The following ANKDD1B variants were observed in gnomAD, a reference collection of about 807,000 sequenced individuals.
ANKDD1B encodes ankyrin repeat and death domain-containing protein 1B.
ANKDD1B carries 57 observed loss-of-function variants against 59.7 expected under a neutral mutation model. The ratio of observed to expected loss-of-function variants is 0.95; its 90% CI spans 0.77 to 1.19. The LOEUF is 1.19. Ranked by LOEUF, ANKDD1B falls within the 50% of genes most tolerant of loss-of-function variation. The pLI is 0.00. For missense variants in ANKDD1B, 602 were observed against 641.9 expected, an observed-to-expected ratio of 0.94 and a Z score of 0.67; for synonymous variants, 216 against 239.5, an observed-to-expected ratio of 0.90 and a Z score of 0.91.
intron 10 of ANKDD1B, 23 bp from the exon 11 acceptor site, chr5:75,663,371 T>A (rs1484025070): frequency 6.6e-7 from 1 of 1,521,336 alleles, no homozygotes; most frequent in East Asian, 2.5e-5. Context: ...ATCACCTGAA[T>A]TTTTTTTCTT....
intron 12 of ANKDD1B, among the ~76,000 whole-genome samples, chr5:75,668,893 A>G (rs1363282803): frequency 6.6e-6 from 1 of 152,190 alleles, no homozygotes; most frequent in Non-Finnish European, 1.5e-5. Flanking sequence ...ACTGAATCCA[A>G]ACTTGCATTT....
At chr5:75,659,852 A>G in intron 10 of ANKDD1B, among the ~76,000 whole-genome samples, 1 of 152,030 alleles carries the variant, frequency 6.6e-6, no homozygotes, top group Admixed American at 6.6e-5. Context: ...CATACCTATA[A>G]CTAGTATACT....
intron 7 of ANKDD1B, among the ~76,000 whole-genome samples, chr5:75,641,616 T>C (rs1012361874): frequency 3.3e-5 from 5 of 152,214 alleles, no homozygotes; most frequent in African/African-American, 1.2e-4. Flanking sequence ...CTTGGTTTCT[T>C]TTGATTGCCA....
intron 5 of ANKDD1B, among the ~76,000 whole-genome samples, chr5:75,629,189 G>A (rs1465137550): frequency 6.6e-6 from 1 of 151,780 alleles, no homozygotes; most frequent in Non-Finnish European, 1.5e-5. Context: ...CAAATCTATT[G>A]TTTCCCATCT....
chr5:75,635,717 C>G (rs1774280758), intron 6 of ANKDD1B, 67 bp from the exon 7 acceptor site: 2 of 1,026,658 alleles, frequency 1.9e-6, no homozygotes, highest in African/African-American at 3.2e-5. Flanking sequence ...CCATTGCAGC[C>G]CTTACTATTG....
chr5:75,669,312 T>G lies in ANKDD1B; in HGVS notation c.1454T>G (p.Leu485Arg). Residue 485 changes from leucine to arginine, a missense_variant, in exon 13 of 14, where the codon CTG (leucine) becomes CGG (arginine). By Grantham distance (102) the Leu-to-Arg change is moderately radical. Coordinates refer to ENST00000601380, the MANE Select transcript of ANKDD1B (RefSeq NM_001276713.2). ...CTGCTTATCTGGCTACACGGGACCC[T>G]GATGACTCAGGGTGACCCGGCCAAG... The part of the protein sequence containing the change: ...RALLIWLHGT[L>R]MTQGDPAKQL... 1.6e-6 allele frequency: 2 copies of G among 1,232,150 alleles called. No individual in the cohort carries two copies. Among genetic ancestry groups the G allele is most frequent in the Non-Finnish European group, 2.0e-6 (2 of 987,944 alleles). The allele number at this position is 1,232,150 out of a possible 1,614,324, so 76.3% of individuals were successfully genotyped here. A position where few individuals can be genotyped will look rare whatever the true frequency, so the allele number is the denominator to read the frequency against.
chr5:75,652,864 A>C (rs768718687), intron 7 of ANKDD1B, among the ~76,000 whole-genome samples: 1 of 152,234 alleles, frequency 6.6e-6, no homozygotes, highest in African/African-American at 2.4e-5. Context: ...TACAGCCTAC[A>C]ACACACTATA....
At chr5:75,649,271 T>G (rs1774756079) in intron 7 of ANKDD1B, among the ~76,000 whole-genome samples, 2 of 151,666 alleles carry the variant, frequency 1.3e-5, no homozygotes, top group South Asian at 4.2e-4. Context: ...CAGACTCACC[T>G]AATTTATGAT....
At chr5:75,628,862 G>T (rs1275519563) in intron 5 of ANKDD1B, among the ~76,000 whole-genome samples, 2 of 152,088 alleles carry the variant, frequency 1.3e-5, no homozygotes, top group Non-Finnish European at 2.9e-5. Flanking sequence ...TAGATATTTT[G>T]AATCTACATG....
chr5:75,629,485 C>T (rs1158193966), intron 5 of ANKDD1B, among the ~76,000 whole-genome samples: 1 of 152,000 alleles, frequency 6.6e-6, no homozygotes, highest in South Asian at 2.1e-4. Context: ...ACTTTGGATA[C>T]CCACTTAATG....
rs1447672245 is a variant in ANKDD1B at position 75,625,749 on chromosome 5, G to A, written c.495+4G>A. 6 of 1,536,088 alleles carry A rather than the reference G, an allele frequency of 3.9e-6. No individual in the cohort carries two copies. In the South Asian group the frequency reaches 7.1e-5, roughly 18 times the overall value. On this transcript the variant is annotated splice_donor_region_variant and intron_variant, in intron 4 of 13. Coordinates refer to ENST00000601380, the MANE Select transcript of ANKDD1B (RefSeq NM_001276713.2). ...AGACCAGAGAGCCAAGAATCAGGTAGGTATGTGGGTCACACCTGGACAAAA... is the reference window on the plus strand; with the variant it reads ...AGACCAGAGAGCCAAGAATCAGGTAAGTATGTGGGTCACACCTGGACAAAA...
chr5:75,649,163 G>A lies in ANKDD1B; in HGVS notation c.799-3979G>A, dbSNP rs1314353599. ...CTCACATTTTATCATACATATTTAA[G>A]TGCTCCCACATTCCTCTTTACTTTT... is the stretch of plus-strand genomic sequence containing the variant. On this transcript the variant is annotated intron_variant, in intron 7 of 13. Transcript: ENST00000601380. Among the ~76,000 whole-genome samples the A allele has an allele frequency of 5.3e-5, 8 of 149,666 alleles. No homozygotes were observed. In the East Asian group the frequency reaches 1.6e-3, roughly 29 times the overall value.
At chr5:75,628,723 A>T (rs1774062083) in intron 5 of ANKDD1B, among the ~76,000 whole-genome samples, 1 of 152,156 alleles carries the variant, frequency 6.6e-6, no homozygotes, top group South Asian at 2.1e-4. Flanking sequence ...GCCAGGGGGA[A>T]TTTGGGTGGG....
Position 75,635,834 on chromosome 5 carries a change from AGTGCAG to A in ANKDD1B, c.755_760del (p.Gln252_Val253del). 3 of 1,534,472 alleles carry A rather than the reference AGTGCAG, an allele frequency of 2.0e-6. No homozygotes were observed. The highest frequency in any genetic ancestry group is 1.7e-6 in the Non-Finnish European group (2 of 1,145,808). ...CTGCGAAGCATGGTCACAGTCCTGC[AGTGCAG>A]GTGCTGCTAGCCCAGTGGCAAGACA... On this transcript the variant is annotated inframe_deletion, in exon 7 of 14. Transcript: ENST00000601380.
intron 11 of ANKDD1B, among the ~76,000 whole-genome samples, chr5:75,665,739 TGGA>T (rs1338573658): frequency 6.6e-6 from 1 of 152,196 alleles, no homozygotes; most frequent in Non-Finnish European, 1.5e-5. Context: ...TCGAGCTTCC[TGGA>T]GGAGGTTTCT....
intron 12 of ANKDD1B, among the ~76,000 whole-genome samples, chr5:75,668,565 T>C (rs369546915): frequency 4.6e-5 from 7 of 152,302 alleles, no homozygotes; most frequent in Admixed American, 2.6e-4. Flanking sequence ...GGCCCTTCCC[T>C]TGCACAGCAT....
chr5:75,613,274 G>A (rs570003510), intron 1 of ANKDD1B, among the ~76,000 whole-genome samples: 1 of 152,340 alleles, frequency 6.6e-6, no homozygotes, highest in East Asian at 1.9e-4. Context: ...CTGGGGTCAA[G>A]GGAGGGTTTT....
intron 12 of ANKDD1B, 72 bp from the exon 13 acceptor site, chr5:75,669,180 G>T (rs1775399787): frequency 8.2e-7 from 1 of 1,221,500 alleles, no homozygotes. Flanking sequence ...AAGTTTAGTT[G>T]GAACTGAGAT....
intron 12 of ANKDD1B, among the ~76,000 whole-genome samples, chr5:75,668,691 G>C (rs949191928): frequency 8.5e-5 from 13 of 152,216 alleles, no homozygotes; most frequent in African/African-American, 3.1e-4. Flanking sequence ...TCTCTAGGCT[G>C]AGATATGCAG....
Sources: gnomAD v4.1 joint callset for allele counts (sites outside exome capture counted in the v4.1 genomes callset) on GRCh38, gnomAD v4.1.1 for gene constraint, MANE v1.5 for transcripts, NCBI Gene and HGNC (gene_info 2026-07-23, HGNC 2026-07-21) for gene names.